WWOX: variants seen among roughly 807,000 people sequenced by gnomAD.
The protein encoded by WWOX is WW domain containing oxidoreductase.
Under a neutral mutation model 46.2 loss-of-function variants are expected in WWOX, and 69 were observed. The observed-to-expected ratio is 1.49, with a 90% CI of 1.23 to 1.82. The LOEUF is 1.82. Among genes scored for constraint, WWOX ranks in the 40% most tolerant of loss-of-function variants. The pLI is 0.00. For missense variants in WWOX, 919 were observed against 542.6 expected (o/e 1.69, Z -6.89); for synonymous variants, 359 against 202.6 (o/e 1.77, Z -6.56).
chr16:78,600,477 TC>T (rs1220532565), intron 8 of WWOX, among the ~76,000 whole-genome samples: 1 of 151,960 alleles, frequency 6.6e-6, no homozygotes, highest in Non-Finnish European at 1.5e-5. Flanking sequence ...TTCTTTTCTT[TC>T]CCCCCAACCC....
At chr16:78,895,564 T>G (rs1423854615) in intron 8 of WWOX, 1 of 152,202 alleles carries the variant, frequency 6.6e-6, no homozygotes, top group East Asian at 1.9e-4. Context: ...AAAGATCTAT[T>G]CTCCTTTAGA....
chr16:79,044,132 C>T (rs1188752122), intron 8 of WWOX, among the ~76,000 whole-genome samples: 2 of 152,198 alleles, frequency 1.3e-5, no homozygotes, highest in Non-Finnish European at 2.9e-5. Context: ...AAAAGGAACA[C>T]GTACTGGGAA....
At chr16:78,707,935 A>G (rs371947593) in intron 8 of WWOX, among the ~76,000 whole-genome samples, 4 of 152,356 alleles carry the variant, frequency 2.6e-5, no homozygotes, top group East Asian at 1.9e-4. Context: ...TGCAAAAGCA[A>G]TCGTGGTTTT....
chr16:78,753,844 ATATATATATATGTATATG>A (rs1273914865), intron 8 of WWOX, among the ~76,000 whole-genome samples: 14 of 106,870 alleles, frequency 1.3e-4, no homozygotes, highest in Non-Finnish European at 1.9e-4. Context: ...ATATATATAT[ATATATATATATGTATATG>A]TATATGTATA....
chr16:78,712,223 G>C (rs955180774), intron 8 of WWOX, among the ~76,000 whole-genome samples: 1 of 152,134 alleles, frequency 6.6e-6, no homozygotes, highest in African/African-American at 2.4e-5. Flanking sequence ...ATATGCATTG[G>C]CTGGGCGCGG....
chr16:78,356,140 T>C (rs1178073476), intron 5 of WWOX, among the ~76,000 whole-genome samples: 1 of 132,794 alleles, frequency 7.5e-6, no homozygotes, highest in Admixed American at 8.2e-5. Flanking sequence ...TGAGCCAAGG[T>C]CATGCCACTG....
intron 8 of WWOX, among the ~76,000 whole-genome samples, chr16:79,021,692 A>G (rs991278049): frequency 2.0e-5 from 3 of 152,232 alleles, no homozygotes; most frequent in Non-Finnish European, 2.9e-5. Flanking sequence ...GCATTGCCTA[A>G]ATGACAGTAA....
At chr16:78,729,243 G>A (rs1047654470) in intron 8 of WWOX, among the ~76,000 whole-genome samples, 1 of 151,998 alleles carries the variant, frequency 6.6e-6, no homozygotes, top group Non-Finnish European at 1.5e-5. Context: ...TTGGGAGGCT[G>A]AGGTGGGAGG....
At chr16:78,385,161 A>ACACACACACACACACACACACACACAC (rs1555530195) in intron 5 of WWOX, among the ~76,000 whole-genome samples, 1 of 151,536 alleles carries the variant, frequency 6.6e-6, no homozygotes, top group African/African-American at 2.4e-5. Flanking sequence ...ACACACACAC[A>ACACACACACACACACACACACACACAC]AAAGCACAGG....
Position 78,329,840 on chromosome 16 carries a change from T to G in WWOX, c.517-57020T>G, listed in dbSNP as rs11861589. Reference sequence around the variant, plus strand: ...TAGCTCACTGCAGCCTCAAACTCTTTGGCTCCAGTGATTCTCCCACCTCAA... The same window carrying G: ...TAGCTCACTGCAGCCTCAAACTCTTGGGCTCCAGTGATTCTCCCACCTCAA... On this transcript the variant is annotated intron_variant, in intron 5 of 8. Transcript: ENST00000566780. Among the ~76,000 whole-genome samples the G allele has an allele frequency of 3.3e-3, 503 of 151,970 alleles. 5 individuals are homozygous for G. Among genetic ancestry groups the G allele is most frequent in the African/African-American group, 0.012 (482 of 41,440 alleles).
At chr16:78,282,146 G>T (rs2079689962) in intron 5 of WWOX, among the ~76,000 whole-genome samples, 1 of 152,188 alleles carries the variant, frequency 6.6e-6, no homozygotes, top group South Asian at 2.1e-4. Flanking sequence ...CAAGGCTGGA[G>T]ATAATTCTCT....
chr16:78,226,429 A>T lies in WWOX; in HGVS notation c.516+62140A>T, dbSNP rs189562719. 6.9e-3 allele frequency among the ~76,000 whole-genome samples: 1,053 copies of T among 151,732 alleles called. 13 individuals carry two copies. The highest frequency in any genetic ancestry group is 0.023 in the African/African-American group (963 of 41,304). ...TGCTGCCTAGAAAATATTAGAAAGA[A>T]GACCCTTCTTTCCTTTCCTTTCTTG... is the stretch of plus-strand genomic sequence containing the variant. On this transcript the variant is annotated intron_variant, in intron 5 of 8. Coordinates refer to ENST00000566780, the MANE Select transcript of WWOX (RefSeq NM_016373.4).
At position 79,211,479 on chromosome 16, in the gene WWOX, G is replaced by A. The variant is rs192263173; in HGVS notation, c.1057-129G>A. Reference sequence around the variant, plus strand: ...ATGTGCTTTCAGCCCAGTACCCTTTGCTATGCCAAGATCCAGCTGAAACTG... The same window carrying A: ...ATGTGCTTTCAGCCCAGTACCCTTTACTATGCCAAGATCCAGCTGAAACTG... On this transcript the variant is annotated intron_variant, in intron 8 of 8. Transcript: ENST00000566780. 6.8e-5 allele frequency: 81 copies of A among 1,193,754 alleles called. No individual in the cohort carries two copies. The Admixed American group carries it at 9.2e-4, about 14-fold the overall frequency. The allele number at this position is 1,193,754 out of a possible 1,614,324, so 73.9% of individuals were successfully genotyped here. A position where few individuals can be genotyped will look rare whatever the true frequency, so the allele number is the denominator to read the frequency against.
intron 8 of WWOX, among the ~76,000 whole-genome samples, chr16:78,942,920 TC>T (rs2045880109): frequency 6.6e-6 from 1 of 152,170 alleles, no homozygotes; most frequent in Non-Finnish European, 1.5e-5. Context: ...CATCCCCTCC[TC>T]TCTCTCAAGG....
rs141961408 is a variant in WWOX, at chr16:78,379,277, A to C, written c.517-7583A>C. Among the ~76,000 whole-genome samples, 121 of 152,338 alleles carry C rather than the reference A, an allele frequency of 7.9e-4. 2 individuals are homozygous for C. In the East Asian group the frequency reaches 0.021, roughly 26 times the overall value. ...GGGAGGGGTAGATACACTGCCATCC[A>C]ATCAGCATCAATGGGTACCTTGAAG... On this transcript the variant is annotated intron_variant, in intron 5 of 8. Transcript: ENST00000566780.
intron 5 of WWOX, among the ~76,000 whole-genome samples, chr16:78,230,224 G>C (rs772849431): frequency 4.6e-5 from 7 of 152,138 alleles, no homozygotes; most frequent in Non-Finnish European, 1.0e-4. Context: ...AATACGCAGT[G>C]CCAGGGAAGG....
intron 8 of WWOX, among the ~76,000 whole-genome samples, chr16:78,605,862 G>C (rs2045744214): frequency 6.6e-6 from 1 of 152,022 alleles, no homozygotes; most frequent in Non-Finnish European, 1.5e-5. Context: ...TTTTTTTCCA[G>C]CACCATATTT....
At chr16:78,467,543 G>A (rs561099201) in intron 8 of WWOX, among the ~76,000 whole-genome samples, 2 of 152,164 alleles carry the variant, frequency 1.3e-5, no homozygotes, top group Non-Finnish European at 2.9e-5. Flanking sequence ...TAAACTGACT[G>A]TAATGTCTCT....
chr16:79,137,156 A>G (rs573058189), intron 8 of WWOX, among the ~76,000 whole-genome samples: 36 of 152,216 alleles, frequency 2.4e-4, no homozygotes, highest in Non-Finnish European at 4.1e-4. Context: ...TGTAGCAGGC[A>G]CATGCAACGT....
Sources: gnomAD v4.1 joint callset for allele counts (sites outside exome capture counted in the v4.1 genomes callset) on GRCh38, gnomAD v4.1.1 for gene constraint, MANE v1.5 for transcripts, NCBI Gene and HGNC (gene_info 2026-07-23, HGNC 2026-07-21) for gene names.